GABRA3: variants seen among roughly 807,000 people sequenced by gnomAD.
GABRA3 encodes gamma-aminobutyric acid type A receptor subunit alpha3.
In GABRA3, 10 loss-of-function variants were observed where a neutral mutation model predicts 30.1. That is an observed-to-expected ratio of 0.33 (90% CI 0.20 to 0.56). GABRA3 has a LOEUF of 0.56. Among genes scored for constraint, GABRA3 ranks in the 20% least tolerant of loss-of-function variants. The pLI, the probability that GABRA3 is intolerant of heterozygous loss-of-function variation, is 0.89. For synonymous variants in GABRA3, 151 were observed against 146.8 expected (o/e 1.03, Z -0.21); for missense variants, 233 against 392.0 (o/e 0.59, Z 3.42).
chrX:152,442,715 T>A (rs958843785), intron 1 of GABRA3, among the ~76,000 whole-genome samples: 2 of 111,723 alleles, frequency 1.8e-5, no homozygotes, highest in African/African-American at 6.5e-5. Flanking sequence ...AAATGAAGAA[T>A]AGATAAATTC....
intron 8 of GABRA3, among the ~76,000 whole-genome samples, chrX:152,197,009 A>C (rs1330563799): frequency 8.9e-6 from 1 of 112,292 alleles, no homozygotes; most frequent in African/African-American, 3.2e-5. Flanking sequence ...TGAAAAAATT[A>C]ATATTTATCT....
chrX:152,412,883 G>A (rs1007098375), intron 1 of GABRA3, among the ~76,000 whole-genome samples: 4 of 110,950 alleles, frequency 3.6e-5, no homozygotes, highest in African/African-American at 1.3e-4. Context: ...AGAGACATGT[G>A]GAACATTTGC....
rs747420662 is a variant in GABRA3 at position 152,375,113 on chromosome X, C to T, written c.-26-10517G>A. Among the ~76,000 whole-genome samples the T allele has an allele frequency of 4.5e-5, 5 of 111,545 alleles. No homozygotes were observed. The South Asian group carries it at 1.5e-3, about 34-fold the overall frequency. ...ATTAAACTACCATCGACATTCTTCA[C>T]AGAATCAGAAAAAACTACTTTAAAA... On this transcript the variant is annotated intron_variant, in intron 1 of 9. Coordinates refer to ENST00000370314, the MANE Select transcript of GABRA3 (RefSeq NM_000808.4).
At chrX:152,444,744 T>TTTTTTTG (rs1931026205) in intron 1 of GABRA3, among the ~76,000 whole-genome samples, 1 of 75,605 alleles carries the variant, frequency 1.3e-5, no homozygotes, top group Non-Finnish European at 2.5e-5. Context: ...GTTTTTTTTT[T>TTTTTTTG]TTTGTTTTTT....
chrX:152,233,610 A>C (rs1216401460), intron 5 of GABRA3, among the ~76,000 whole-genome samples: 1 of 109,881 alleles, frequency 9.1e-6, no homozygotes, highest in Non-Finnish European at 1.9e-5. Flanking sequence ...ACTGTAAACT[A>C]GTTCAACCAT....
chrX:152,445,454 G>T (rs1446780084), intron 1 of GABRA3, among the ~76,000 whole-genome samples: 3 of 110,921 alleles, frequency 2.7e-5, no homozygotes, highest in Non-Finnish European at 5.7e-5. Flanking sequence ...TTTACAATAC[G>T]GTCAGTTCTT....
chrX:152,318,854 A>G (rs1939917995), intron 3 of GABRA3, among the ~76,000 whole-genome samples: 1 of 111,959 alleles, frequency 8.9e-6, no homozygotes, highest in African/African-American at 3.2e-5. Context: ...AATAAAAGCC[A>G]TCAATGACAA....
chrX:152,384,798 A>C lies in GABRA3; in HGVS notation c.-26-20202T>G, dbSNP rs5970288. On this transcript the variant is annotated intron_variant, in intron 1 of 9. Transcript: ENST00000370314. ...TCTCTGTTCATTAAAAGATGCAAGAAAGTGAGTAAACAACAAATACCGAAT... is the reference window on the plus strand; with the variant it reads ...TCTCTGTTCATTAAAAGATGCAAGACAGTGAGTAAACAACAAATACCGAAT... Among the ~76,000 whole-genome samples, 841 of 112,179 alleles carry C rather than the reference A, an allele frequency of 7.5e-3. 7 individuals are homozygous for C. The highest frequency in any genetic ancestry group is 0.025 in the African/African-American group (762 of 30,937).
At position 152,189,719 on chromosome X, in the gene GABRA3, C is replaced by G. The variant is rs200906942; in HGVS notation, c.1143+11G>C. On this transcript the variant is annotated intron_variant, in intron 9 of 9. Transcript: ENST00000370314. ...GGGGTGCTTCTCAGTTTCTCTTTTG[C>G]TATATCTCACCTTCATCTCCAGGGC... 1 of 1,179,124 alleles carries G rather than the reference C, an allele frequency of 8.5e-7. No individual in the cohort carries two copies. Among genetic ancestry groups the G allele is most frequent in the South Asian group, 1.8e-5 (1 of 55,465 alleles).
intron 7 of GABRA3, among the ~76,000 whole-genome samples, chrX:152,205,890 G>A (rs1382495456): frequency 1.8e-5 from 2 of 112,800 alleles, no homozygotes; most frequent in East Asian, 2.8e-4. Flanking sequence ...ATCAGTTAAT[G>A]TACCGAAATC....
chrX:152,211,655 G>A (rs1018272633), intron 6 of GABRA3, among the ~76,000 whole-genome samples: 4 of 111,885 alleles, frequency 3.6e-5, no homozygotes, highest in African/African-American at 6.5e-5. Flanking sequence ...CATCACATCA[G>A]GAAGCCCACA....
intron 2 of GABRA3, among the ~76,000 whole-genome samples, chrX:152,361,597 G>A (rs1405307012): frequency 9.6e-6 from 1 of 104,077 alleles, no homozygotes; most frequent in Non-Finnish European, 1.9e-5. Context: ...AAAAAAATTC[G>A]AATGAATATA....
At chrX:152,206,025 G>A (rs1043577943) in intron 7 of GABRA3, among the ~76,000 whole-genome samples, 44 of 112,741 alleles carry the variant, frequency 3.9e-4, no homozygotes, top group African/African-American at 1.3e-3. Flanking sequence ...GACACCAACC[G>A]CGGTTTACCA....
intron 4 of GABRA3, among the ~76,000 whole-genome samples, chrX:152,283,750 C>A (rs749265450): frequency 4.5e-5 from 5 of 112,114 alleles, no homozygotes; most frequent in Admixed American, 1.9e-4. Flanking sequence ...TTGTCCCCTG[C>A]CAAGTAGTAG....
chrX:152,345,103 G>A (rs529220699), intron 3 of GABRA3, among the ~76,000 whole-genome samples: 11 of 111,255 alleles, frequency 9.9e-5, no homozygotes, highest in African/African-American at 3.3e-4. Context: ...TGAAAACAAA[G>A]GCATGTTTCT....
chrX:152,271,815 A>C (rs1377350606), intron 4 of GABRA3, among the ~76,000 whole-genome samples: 1 of 111,240 alleles, frequency 9.0e-6, no homozygotes, highest in African/African-American at 3.3e-5. Context: ...CAGCCACTCC[A>C]GCTGTGTCTA....
intron 9 of GABRA3, among the ~76,000 whole-genome samples, chrX:152,180,243 A>T (rs1381608233): frequency 8.9e-6 from 1 of 112,307 alleles, no homozygotes; most frequent in Non-Finnish European, 1.9e-5. Flanking sequence ...AGACATTTTT[A>T]AAAGTGTGAG....
At chrX:152,271,242 C>T (rs1394804337) in intron 4 of GABRA3, among the ~76,000 whole-genome samples, 3 of 111,048 alleles carry the variant, frequency 2.7e-5, no homozygotes, top group Non-Finnish European at 3.8e-5. Flanking sequence ...GGATTACAGG[C>T]ATGAGCCAAT....
At chrX:152,333,735 C>A (rs1166722535) in intron 3 of GABRA3, among the ~76,000 whole-genome samples, 3 of 111,153 alleles carry the variant, frequency 2.7e-5, no homozygotes, top group African/African-American at 9.8e-5. Context: ...GTGAAAAGGC[C>A]AAAACATTAT....
Sources: gnomAD v4.1 joint callset for allele counts (sites outside exome capture counted in the v4.1 genomes callset) on GRCh38, gnomAD v4.1.1 for gene constraint, MANE v1.5 for transcripts, NCBI Gene and HGNC (gene_info 2026-07-23, HGNC 2026-07-21) for gene names.